CNTNAP2: variants seen among roughly 807,000 people sequenced by gnomAD.
CNTNAP2 encodes the protein contactin-associated protein-like 2.
In CNTNAP2, 98 loss-of-function variants were observed where a neutral mutation model predicts 155.2. The ratio of observed to expected loss-of-function variants is 0.63; its 90% CI spans 0.54 to 0.75. The LOEUF is 0.75. Among genes scored for constraint, CNTNAP2 ranks in the 30% least tolerant of loss-of-function variants. The pLI, the probability that CNTNAP2 is intolerant of heterozygous loss-of-function variation, is 0.00. For synonymous variants in CNTNAP2, 651 were observed against 631.2 expected, an observed-to-expected ratio of 1.03 and a Z score of -0.47; for missense variants, 1,727 against 1,688.1, an observed-to-expected ratio of 1.02 and a Z score of -0.40.
At chr7:147,845,031 A>G (rs1209064648) in intron 13 of CNTNAP2, among the ~76,000 whole-genome samples, 1 of 99,736 alleles carries the variant, frequency 1.0e-5, no homozygotes, top group South Asian at 3.4e-4. Context: ...ATCAATGTTC[A>G]TCAAGGATAT....
At chr7:146,314,845 G>C (rs1040133604) in intron 1 of CNTNAP2, among the ~76,000 whole-genome samples, 3 of 152,120 alleles carry the variant, frequency 2.0e-5, no homozygotes, top group Admixed American at 6.6e-5. Flanking sequence ...CTTCTGGTCT[G>C]GAGTGCCCAC....
chr7:148,287,302 G>A (rs973076764), intron 21 of CNTNAP2, among the ~76,000 whole-genome samples: 2 of 151,598 alleles, frequency 1.3e-5, no homozygotes, highest in Non-Finnish European at 2.9e-5. Flanking sequence ...TTTTTGTAAG[G>A]AAAAAATCAA....
At chr7:147,944,552 CA>C (rs569712651) in intron 14 of CNTNAP2, among the ~76,000 whole-genome samples, 2 of 152,272 alleles carry the variant, frequency 1.3e-5, no homozygotes, top group South Asian at 4.1e-4. Context: ...CCCATGTTTA[CA>C]AGCTGAGGGA....
In CNTNAP2 at chr7:148,228,725, T is replaced by G. The variant is rs562525725; in HGVS notation, c.3248-921T>G. On this transcript the variant is annotated intron_variant, in intron 19 of 23. Transcript: ENST00000361727. ...CGCCTGTAGTCCCAGCTACTGGGGA[T>G]GCTGAGACAGGAGAATGGCGTGAAC... is the stretch of plus-strand genomic sequence containing the variant. Among the ~76,000 whole-genome samples, 196 of 149,524 alleles carry G rather than the reference T, an allele frequency of 1.3e-3. 1 individual carries two copies. The highest frequency in any genetic ancestry group is 4.2e-3 in the African/African-American group (169 of 40,668).
At chr7:148,120,579 T>G (rs898497557) in intron 16 of CNTNAP2, among the ~76,000 whole-genome samples, 3 of 152,170 alleles carry the variant, frequency 2.0e-5, no homozygotes, top group Admixed American at 1.3e-4. Flanking sequence ...TAATTTCTAA[T>G]TATGAAAAAT....
chr7:148,108,940 C>T (rs1418298938), intron 15 of CNTNAP2, among the ~76,000 whole-genome samples: 1 of 152,052 alleles, frequency 6.6e-6, no homozygotes, highest in East Asian at 1.9e-4. Context: ...ACTTTGTACC[C>T]CATGAATTTA....
chr7:147,726,550 C>T (rs12536417), intron 13 of CNTNAP2, among the ~76,000 whole-genome samples: 2 of 152,000 alleles, frequency 1.3e-5, no homozygotes, highest in Admixed American at 1.3e-4. Flanking sequence ...AGATCAAGAG[C>T]TGACCAATAA....
intron 1 of CNTNAP2, among the ~76,000 whole-genome samples, chr7:146,390,134 T>A (rs1167466120): frequency 6.6e-6 from 1 of 152,178 alleles, no homozygotes. Context: ...TTGTGCAATA[T>A]TACTTTGTTA....
chr7:148,203,680 G>A (rs1795401922), intron 18 of CNTNAP2, among the ~76,000 whole-genome samples: 2 of 152,192 alleles, frequency 1.3e-5, no homozygotes, highest in African/African-American at 4.8e-5. Flanking sequence ...GGTAGGCAGA[G>A]GTTGCAGTGA....
At chr7:146,705,646 A>G (rs1246102258) in intron 1 of CNTNAP2, among the ~76,000 whole-genome samples, 2 of 152,104 alleles carry the variant, frequency 1.3e-5, no homozygotes, top group African/African-American at 4.8e-5. Flanking sequence ...CCTCACAATC[A>G]TGGCGGAAGA....
rs1421362010 is a variant in CNTNAP2, at chr7:147,949,456, A to AT, written c.2256-28405dup. Among the ~76,000 whole-genome samples, 8 of 131,020 alleles carry AT rather than the reference A, an allele frequency of 6.1e-5. No homozygotes were observed. The East Asian group carries it at 1.0e-3, about 17-fold the overall frequency. The allele number at this position is 131,020 out of a possible 152,430, so 86.0% of individuals were successfully genotyped here. On this transcript the variant is annotated intron_variant, in intron 14 of 23. Transcript: ENST00000361727. ...CAACTGTGTGTATATATATATATAT[A>AT]TATTTTTTTTTTTTAGGTTTATTGC...
intron 1 of CNTNAP2, among the ~76,000 whole-genome samples, chr7:146,680,061 C>A (rs137913412): frequency 6.6e-6 from 1 of 152,204 alleles, no homozygotes; most frequent in East Asian, 1.9e-4. Context: ...AGAAGCACTT[C>A]TAAAATGTAG....
At chr7:147,640,274 C>T (rs1199019206) in intron 13 of CNTNAP2, among the ~76,000 whole-genome samples, 2 of 151,878 alleles carry the variant, frequency 1.3e-5, no homozygotes, top group Non-Finnish European at 2.9e-5. Context: ...TAGCAGTTTT[C>T]GAGATATAAT....
At chr7:147,474,525 G>A (rs142222167) in intron 10 of CNTNAP2, among the ~76,000 whole-genome samples, 141 of 152,242 alleles carry the variant, frequency 9.3e-4, no homozygotes, top group African/African-American at 3.2e-3. Context: ...GGAGGTTGCA[G>A]TGAGCTGAGA....
chr7:146,710,139 A>G (rs1801037642), intron 1 of CNTNAP2, among the ~76,000 whole-genome samples: 1 of 152,202 alleles, frequency 6.6e-6, no homozygotes, highest in African/African-American at 2.4e-5. Context: ...AAGCAGTGTC[A>G]GAGGAGTAAG....
At position 148,273,232 on chromosome 7, in the gene CNTNAP2, A is replaced by G. The variant is rs551456317; in HGVS notation, c.3475+6106A>G. Reference sequence around the variant, plus strand: ...TAGCCTAAATAAACTTTGAAACTTTAAGATTTGTGGTGGGAGTAATTTTCT... The same window carrying G: ...TAGCCTAAATAAACTTTGAAACTTTGAGATTTGTGGTGGGAGTAATTTTCT... On this transcript the variant is annotated intron_variant, in intron 21 of 23. Transcript: ENST00000361727. 2.0e-5 allele frequency among the ~76,000 whole-genome samples: 3 copies of G among 152,330 alleles called. No individual in the cohort carries two copies. In the South Asian group the frequency reaches 6.2e-4, roughly 32 times the overall value.
intron 2 of CNTNAP2, among the ~76,000 whole-genome samples, chr7:146,833,644 C>A (rs1803558231): frequency 6.6e-6 from 1 of 152,102 alleles, no homozygotes; most frequent in South Asian, 2.1e-4. Flanking sequence ...GAGTAATCAG[C>A]TTTCTTCAGT....
At chr7:147,507,004 T>C (rs961785106) in intron 11 of CNTNAP2, among the ~76,000 whole-genome samples, 12 of 151,604 alleles carry the variant, frequency 7.9e-5, no homozygotes, top group African/African-American at 2.7e-4. Context: ...TAAGTTGTTT[T>C]CTTAAAAGAA....
At chr7:147,959,502 T>C (rs1417272657) in intron 14 of CNTNAP2, among the ~76,000 whole-genome samples, 1 of 152,130 alleles carries the variant, frequency 6.6e-6, no homozygotes, top group Non-Finnish European at 1.5e-5. Context: ...CTTATGGAAG[T>C]GGCCGTGTTA....
Sources: gnomAD v4.1 joint callset for allele counts (sites outside exome capture counted in the v4.1 genomes callset) on GRCh38, gnomAD v4.1.1 for gene constraint, MANE v1.5 for transcripts, NCBI Gene and HGNC (gene_info 2026-07-23, HGNC 2026-07-21) for gene names.